ABCC10: variants seen among roughly 807,000 people sequenced by gnomAD.
The protein encoded by ABCC10 is ATP binding cassette subfamily C member 10.
Under a neutral mutation model 143.2 loss-of-function variants are expected in ABCC10, and 110 were observed. The observed-to-expected ratio is 0.77, with a 90% CI of 0.66 to 0.90. ABCC10 has a LOEUF of 0.90. Among genes scored for constraint, ABCC10 ranks in the 40% least tolerant of loss-of-function variants. ABCC10 has a pLI of 0.00. For synonymous variants in ABCC10, 805 were observed against 846.7 expected (o/e 0.95, Z 0.85); for missense variants, 1,700 against 1,900.5 (o/e 0.89, Z 1.96).
Position 43,438,203 on chromosome 6 carries a change from CAG to C in ABCC10, c.1955+193_1955+194del, listed in dbSNP as rs1481987820. The C allele has an allele frequency of 4.5e-6, 4 of 895,776 alleles. No homozygotes were observed. The African/African-American group carries it at 6.8e-5, about 15-fold the overall frequency. The allele number at this position is 895,776 out of a possible 1,614,324, so 55.5% of individuals were successfully genotyped here. A position where few individuals can be genotyped will look rare whatever the true frequency, so the allele number is the denominator to read the frequency against. ...AAGCGAATCATTGTAATCATTACAC[CAG>C]AGTGTTTTAAATGCTATAATAGTCA... On this transcript the variant is annotated intron_variant, in intron 7 of 21. Coordinates refer to ENST00000372530, the MANE Select transcript of ABCC10 (RefSeq NM_001198934.2).
Position 43,444,882 on chromosome 6 carries a change from A to G in ABCC10, c.2784A>G (p.Pro928=), listed in dbSNP as rs1379682648. The part of the protein sequence containing the change: ...SSQEAQPSTS[P]ASMGLFSPQL... ...AGGAGGCGCAACCCTCCACCAGCCC[A>G]GCTTCTATGGGGCTCTTCTCTCCGC... Residue 928 remains proline, a synonymous_variant, in exon 13 of 22, where the codon CCA becomes CCG. Coordinates refer to ENST00000372530, the MANE Select transcript of ABCC10 (RefSeq NM_001198934.2). The G allele has an allele frequency of 6.2e-7, 1 of 1,613,992 alleles. No homozygotes were observed. The highest frequency in any genetic ancestry group is 8.5e-7 in the Non-Finnish European group (1 of 1,179,932).
chr6:43,428,770 G>A (rs1289364286), intron 2 of ABCC10, among the ~76,000 whole-genome samples: 1 of 152,160 alleles, frequency 6.6e-6, no homozygotes, highest in Non-Finnish European at 1.5e-5. Flanking sequence ...ATAGGAGGAC[G>A]GTGTGGTCTC....
intron 7 of ABCC10, chr6:43,438,252 G>A (rs552115003): frequency 9.5e-7 from 1 of 1,049,070 alleles, no homozygotes; most frequent in South Asian, 1.7e-5. Flanking sequence ...GAAACATCCA[G>A]TGTCAGCTAT....
downstream of ABCC10, chr6:43,451,343 TC>T: frequency 1.2e-5 from 19 of 1,533,844 alleles, no homozygotes; most frequent in South Asian, 2.4e-4. The surrounding 1 kb of genome is among the most constrained non-coding windows in gnomAD (Gnocchi z 4.4). Flanking sequence ...CAGGTCAGTA[TC>T]CTGACCACTG....
chr6:43,438,372 A>T, intron 7 of ABCC10: 7 of 1,418,688 alleles, frequency 4.9e-6, no homozygotes. Flanking sequence ...CATACTCTCC[A>T]CTGAGCTCCT....
At chr6:43,450,974 G>A (rs1227778988), downstream of ABCC10, 1 of 1,614,256 alleles carries the variant, frequency 6.2e-7, no homozygotes, top group East Asian at 2.2e-5. The surrounding 1 kb of genome is among the most constrained non-coding windows in gnomAD (Gnocchi z 4.5). Context: ...CATAGCCACT[G>A]GGGCAGAGGC....
At chr6:43,441,482 A>T (rs942062976) in intron 8 of ABCC10, among the ~76,000 whole-genome samples, 6 of 152,148 alleles carry the variant, frequency 3.9e-5, no homozygotes, top group Non-Finnish European at 5.9e-5. Context: ...CTCAAAAAAA[A>T]AAAAGGGTAG....
rs1782979556 is a variant in ABCC10 at position 43,445,681 on chromosome 6, G to T, written c.3113G>T (p.Ser1038Ile). Residue 1038 changes from serine (S) to isoleucine (I), a missense_variant, in exon 15 of 22, where the codon AGC (serine) becomes ATC (isoleucine). Ser to Ile is a moderately radical substitution (Grantham distance 142). Transcript: ENST00000372530. ...TCTGATGTGGCCTGTGCGGATGACA[G>T]CCTGCCCTTCATCCTCAACATCCTC... ...FSSDVACADD[S>I]LPFILNILLA... 6.2e-7 allele frequency: 1 copy of T among 1,614,118 alleles called. No individual in the cohort carries two copies.
intron 15 of ABCC10, 22 bp downstream of exon 15, chr6:43,445,964 G>C (rs142122702): frequency 6.3e-7 from 1 of 1,598,924 alleles, no homozygotes; most frequent in Non-Finnish European, 8.5e-7. Flanking sequence ...AGAGCCCAGG[G>C]GGATGAGGTG....
chr6:43,435,003 GCCTTGGATATATAACCCT>G, intron 4 of ABCC10, 155 bp downstream of exon 4: 1 of 726,696 alleles, frequency 1.4e-6, no homozygotes, highest in Non-Finnish European at 2.2e-6. Flanking sequence ...TTTTGTGGGG[GCCTTGGATATATAACCCT>G]CCCCTCTGTG....
At chr6:43,445,978 G>A (rs200579608) in intron 15 of ABCC10, 36 bp downstream of exon 15, 289 of 1,582,604 alleles carry the variant, frequency 1.8e-4, no homozygotes, top group Non-Finnish European at 2.2e-4. Context: ...TGAGGTGTTG[G>A]GGGGAGAGGA....
downstream of ABCC10, chr6:43,451,059 A>G (rs1783702218): frequency 6.2e-7 from 1 of 1,614,220 alleles, no homozygotes; most frequent in Non-Finnish European, 8.5e-7. The surrounding 1 kb of genome is among the most constrained non-coding windows in gnomAD (Gnocchi z 4.4). Context: ...ATCCAGGTTG[A>G]TGGTGCAGAA....
chr6:43,437,096 G>C lies in ABCC10; in HGVS notation c.1876-838G>C, dbSNP rs562721676. On this transcript the variant is annotated intron_variant, in intron 6 of 21. Transcript: ENST00000372530. ...CCAGAACCAGGCCTCAACTCGCAGA[G>C]CTCTCTGCTTCTGTGTGCCTCTCTC... is the stretch of plus-strand genomic sequence containing the variant. 1.5e-4 allele frequency among the ~76,000 whole-genome samples: 23 copies of C among 152,294 alleles called. No individual in the cohort carries two copies. The East Asian group carries it at 3.9e-3, about 26-fold the overall frequency.
intron 4 of ABCC10, chr6:43,435,143 A>G (rs1781551687): frequency 8.8e-6 from 3 of 340,444 alleles, no homozygotes; most frequent in East Asian, 1.1e-4. Context: ...AAAAAAATGT[A>G]TGATGCAATC....
At position 43,434,687 on chromosome 6, in the gene ABCC10, G is replaced by T; in HGVS notation, c.1447G>T (p.Ala483Ser). ...CTGCGGGTGGGAGCAGGCACTGGGA[G>T]CCCGAGTAGAGGCCTGCCGGGCTCG... ...KFCGWEQALG[A>S]RVEACRAREL... is the part of the protein sequence containing the mutation. The change falls in exon 4 of 22, where the codon GCC (alanine) becomes TCC (serine). Residue 483 changes from alanine to serine, a missense_variant. Transcript: ENST00000372530. The T allele has an allele frequency of 6.2e-7, 1 of 1,614,166 alleles. No homozygotes were observed. The highest frequency in any genetic ancestry group is 8.5e-7 in the Non-Finnish European group (1 of 1,180,030).
chr6:43,435,183 C>A, intron 4 of ABCC10: 1 of 225,050 alleles, frequency 4.4e-6, no homozygotes, highest in Non-Finnish European at 8.7e-6. Flanking sequence ...GGTGATGTTG[C>A]TACTTGGAAA....
In ABCC10 at chr6:43,447,326, C is replaced by T. The variant is rs747141478; in HGVS notation, c.3623C>T (p.Thr1208Ile). ...GGCCTGGTGAGCAGCTTCACACAGA[C>T]AGAGGCCATGCTGGTGAGCGTCGAG... ...LSGLVSSFTQ[T>I]EAMLVSVERL... The change falls in exon 17 of 22, where the codon ACA becomes ATA. Residue 1208 changes from threonine to isoleucine, a missense_variant. Thr to Ile is a moderately conservative substitution (Grantham distance 89). Coordinates refer to ENST00000372530, the MANE Select transcript of ABCC10 (RefSeq NM_001198934.2). 6.2e-7 allele frequency: 1 copy of T among 1,613,698 alleles called. No homozygotes were observed. The highest frequency in any genetic ancestry group is 1.1e-5 in the South Asian group (1 of 91,086).
intron 1 of ABCC10, 26 bp from the exon 2 acceptor site, chr6:43,427,942 G>A: frequency 6.2e-7 from 1 of 1,611,236 alleles, no homozygotes. Context: ...ACCCTGCACA[G>A]CCGTCACCCT....
At chr6:43,429,143 A>G (rs904557390) in intron 2 of ABCC10, among the ~76,000 whole-genome samples, 1 of 152,120 alleles carries the variant, frequency 6.6e-6, no homozygotes, top group Non-Finnish European at 1.5e-5. Flanking sequence ...CTAAGACAGG[A>G]AAGGGCCTCA....
Sources: allele counts gnomAD v4.1 joint callset (sites outside exome capture counted in the v4.1 genomes callset), GRCh38; gene constraint gnomAD v4.1.1; non-coding constraint Gnocchi (gnomAD v3.1); transcripts MANE v1.5; gene names NCBI Gene and HGNC (gene_info 2026-07-23, HGNC 2026-07-21).